The following SMAD9 variants were observed in gnomAD, a reference collection of about 807,000 sequenced individuals.
SMAD9 encodes the protein MAD homolog 9.
SMAD9 carries 36 observed loss-of-function variants against 46.1 expected under a neutral mutation model. The observed-to-expected ratio is 0.78, with a 90% CI of 0.60 to 1.03. The LOEUF is 1.03. SMAD9 is among the 50% of genes least tolerant of loss of function. The pLI, the probability that SMAD9 is intolerant of heterozygous loss-of-function variation, is 0.00. For missense variants in SMAD9, 572 were observed against 599.8 expected, an observed-to-expected ratio of 0.95 and a Z score of 0.48; for synonymous variants, 245 against 237.1, an observed-to-expected ratio of 1.03 and a Z score of -0.31.
chr13:36,912,300 G>A (rs1232099749), intron 1 of SMAD9, among the ~76,000 whole-genome samples: 1 of 152,124 alleles, frequency 6.6e-6, no homozygotes, highest in African/African-American at 2.4e-5. Context: ...GAAGAGAAAG[G>A]TGGGATCGTT....
intron 3 of SMAD9, among the ~76,000 whole-genome samples, chr13:36,872,037 T>C (rs939534981): frequency 6.6e-6 from 1 of 152,154 alleles, no homozygotes; most frequent in Non-Finnish European, 1.5e-5. Context: ...TTAGATCCAC[T>C]TTACAGGTAT....
chr13:36,870,360 T>C (rs1322727116), intron 3 of SMAD9, among the ~76,000 whole-genome samples: 1 of 152,210 alleles, frequency 6.6e-6, no homozygotes, highest in Non-Finnish European at 1.5e-5. Context: ...TCTTTCTCAG[T>C]GAACTCAGCC....
rs1429353457 is a variant in SMAD9, at chr13:36,867,375, G to T, written c.679C>A (p.Pro227Thr). Residue 227 changes from proline (P) to threonine (T), a missense_variant, in exon 4 of 7, where the codon CCA (proline) becomes ACA (threonine). Physicochemically the swap from Pro to Thr is conservative, Grantham distance 38. Coordinates refer to ENST00000379826, the MANE Select transcript of SMAD9 (RefSeq NM_001127217.3). The stretch of plus-strand genomic sequence containing the variant: ...TCTGTGGCATGATAAGGCAGGGGTG[G>T]TGTGTCAACTAAAAGAAAGCAGTAG... ...ESPYQHSVDTPPLPYHATEAS... is the reference protein window; with the variant it reads ...ESPYQHSVDTTPLPYHATEAS... The T allele has an allele frequency of 3.2e-6, 5 of 1,545,936 alleles. No individual in the cohort carries two copies. The East Asian group carries it at 1.2e-4, about 38-fold the overall frequency.
intron 3 of SMAD9, 23 bp from the exon 4 acceptor site, chr13:36,867,406 A>T: frequency 6.9e-7 from 1 of 1,451,350 alleles, no homozygotes; most frequent in Non-Finnish European, 9.4e-7. Context: ...AGTAGAACAA[A>T]GGAATTGTCA....
At chr13:36,902,596 G>A (rs2058585619) in intron 1 of SMAD9, among the ~76,000 whole-genome samples, 2 of 151,876 alleles carry the variant, frequency 1.3e-5, no homozygotes, top group Admixed American at 1.3e-4. Context: ...TGAGACTATA[G>A]GTGCCCGCCA....
intron 4 of SMAD9, 115 bp from the exon 5 acceptor site, chr13:36,865,873 C>G (rs1472170958): frequency 1.2e-5 from 10 of 831,042 alleles, no homozygotes; most frequent in Non-Finnish European, 2.0e-5. Context: ...GCTGCAAGAC[C>G]AAGCATGCCG....
chr13:36,844,885 T>G lies in SMAD9; in HGVS notation c.*3791A>C, dbSNP rs1379584852. The G allele has an allele frequency of 6.8e-6, 1 of 147,880 alleles. No homozygotes were observed. Among genetic ancestry groups the G allele is most frequent in the African/African-American group, 2.6e-5 (1 of 39,126 alleles). 9.2% of individuals were successfully genotyped at this position (147,880 alleles called of 1,614,324 possible). On this transcript the variant is annotated 3_prime_UTR_variant, in exon 7 of 7. Coordinates refer to ENST00000379826, the MANE Select transcript of SMAD9 (RefSeq NM_001127217.3). ...ATCAGATAACAGTATAAGTGTGCAT[T>G]TGATGGATAACCGAAGCCAAGTTAT...
chr13:36,905,450 G>A (rs1334133004), intron 1 of SMAD9, among the ~76,000 whole-genome samples: 1 of 151,996 alleles, frequency 6.6e-6, no homozygotes, highest in Non-Finnish European at 1.5e-5. Flanking sequence ...CAGAACTGGA[G>A]CCGTTTTAAA....
chr13:36,913,438 A>C (rs1248238779), intron 1 of SMAD9, among the ~76,000 whole-genome samples: 2 of 152,176 alleles, frequency 1.3e-5, no homozygotes, highest in African/African-American at 2.4e-5. Context: ...AGCCCCATAA[A>C]TTTACAAGTT....
At chr13:36,882,668 C>T (rs929469448) in intron 1 of SMAD9, among the ~76,000 whole-genome samples, 7 of 152,192 alleles carry the variant, frequency 4.6e-5, no homozygotes, top group South Asian at 2.1e-4. Flanking sequence ...CAATTCATAA[C>T]AGTGGCCTCC....
chr13:36,861,378 A>G (rs2058180173), intron 5 of SMAD9, among the ~76,000 whole-genome samples: 1 of 151,844 alleles, frequency 6.6e-6, no homozygotes, highest in South Asian at 2.1e-4. Context: ...GCAATGGCAC[A>G]GTCTTGGCTC....
chr13:36,906,428 T>C (rs2058620634), intron 1 of SMAD9, among the ~76,000 whole-genome samples: 1 of 152,104 alleles, frequency 6.6e-6, no homozygotes, highest in South Asian at 2.1e-4. Context: ...AAAAACCATA[T>C]TCTATGCAAA....
intron 1 of SMAD9, among the ~76,000 whole-genome samples, chr13:36,911,476 ATCTG>A (rs1436932644): frequency 2.6e-5 from 4 of 152,144 alleles, no homozygotes; most frequent in Non-Finnish European, 5.9e-5. Flanking sequence ...ATAGAGCATA[ATCTG>A]TCTGAATACT....
At chr13:36,861,521 G>C (rs1211736307) in intron 5 of SMAD9, among the ~76,000 whole-genome samples, 4 of 151,474 alleles carry the variant, frequency 2.6e-5, no homozygotes, top group African/African-American at 9.7e-5. Context: ...TCACTATGTT[G>C]GCCAGGCTGG....
Position 36,872,809 on chromosome 13 carries a change from G to C in SMAD9, c.519C>G (p.His173Gln). The change falls in exon 3 of 7, where the codon CAC (histidine) becomes CAG (glutamine). Residue 173 changes from histidine (H) to glutamine (Q), a missense_variant. By Grantham distance (24) the His-to-Gln change is conservative. Transcript: ENST00000379826. ...ASLHSEPLMPHNATYPDSFQQ... is the reference protein window; with the variant it reads ...ASLHSEPLMPQNATYPDSFQQ... ...GGAAAGAGTCAGGATAGGTGGCGTT[G>C]TGTGGCATGAGTGGCTCACTGTGCA... 1.2e-6 allele frequency: 2 copies of C among 1,614,112 alleles called. No individual in the cohort carries two copies. Among genetic ancestry groups the C allele is most frequent in the Non-Finnish European group, 8.5e-7 (1 of 1,180,018 alleles).
chr13:36,855,403 GA>G (rs1655506192), intron 5 of SMAD9, among the ~76,000 whole-genome samples: 2 of 151,804 alleles, frequency 1.3e-5, no homozygotes, highest in African/African-American at 2.4e-5. Flanking sequence ...ACTGATGTTA[GA>G]AAAAAATGAA....
intron 1 of SMAD9, among the ~76,000 whole-genome samples, chr13:36,889,469 G>A (rs1354287777): frequency 6.6e-6 from 1 of 152,144 alleles, no homozygotes; most frequent in Admixed American, 6.5e-5. Context: ...GCAGACAAAT[G>A]AGAAAACAGA....
At chr13:36,902,261 A>G (rs1000867847) in intron 1 of SMAD9, among the ~76,000 whole-genome samples, 2 of 152,142 alleles carry the variant, frequency 1.3e-5, no homozygotes, top group African/African-American at 4.8e-5. Context: ...AAAGAACTGG[A>G]CTGTTTTCCA....
chr13:36,880,818 A>G (rs1229334631), intron 1 of SMAD9, among the ~76,000 whole-genome samples: 1 of 152,206 alleles, frequency 6.6e-6, no homozygotes, highest in Non-Finnish European at 1.5e-5. Flanking sequence ...AACTTTTTTG[A>G]AAACAATGTT....
Sources: gnomAD v4.1 joint callset for allele counts (sites outside exome capture counted in the v4.1 genomes callset) on GRCh38, gnomAD v4.1.1 for gene constraint, MANE v1.5 for transcripts, NCBI Gene and HGNC (gene_info 2026-07-23, HGNC 2026-07-21) for gene names.